The following FN1 variants were observed in gnomAD, a reference collection of about 807,000 sequenced individuals.
FN1 encodes fibronectin 1.
Under a neutral mutation model 297.3 loss-of-function variants are expected in FN1, and 106 were observed. That is an observed-to-expected ratio of 0.36 (90% CI 0.30 to 0.42). FN1 has a LOEUF of 0.42. Ranked by LOEUF, FN1 falls within the 10% of genes least tolerant of loss-of-function variation. The pLI is 1.00. For missense variants in FN1, 2,690 were observed against 3,124.9 expected (o/e 0.86, Z 3.32); for synonymous variants, 1,149 against 1,152.6 (o/e 1.00, Z 0.06).
At position 215,384,953 on chromosome 2, in the gene FN1, C is replaced by T. The variant is rs2058709490; in HGVS notation, c.4636G>A (p.Glu1546Lys). 1 of 1,613,608 alleles carries T rather than the reference C, an allele frequency of 6.2e-7. No individual in the cohort carries two copies. Among genetic ancestry groups the T allele is most frequent in the African/African-American group, 1.3e-5 (1 of 74,884 alleles). Residue 1546 changes from glutamate (E) to lysine (K), a missense_variant, in exon 29 of 46, where the codon GAA (glutamate) becomes AAA (lysine). Glu to Lys is a moderately conservative substitution (Grantham distance 56, BLOSUM62 1). Coordinates refer to ENST00000354785, the MANE Select transcript of FN1 (RefSeq NM_212482.4). ...STVSDVPRDL[E>K]VVAATPTSLL... Reference sequence around the variant, plus strand: ...CTGGTGGGGGTCGCAGCAACAACTTCCAGGTCCCTCGGAACATCAGAAACT... The same window carrying T: ...CTGGTGGGGGTCGCAGCAACAACTTTCAGGTCCCTCGGAACATCAGAAACT...
chr2:215,431,683 TATA>T (rs1264788142), intron 4 of FN1, 147 bp downstream of exon 4: 1 of 830,184 alleles, frequency 1.2e-6, no homozygotes, highest in Non-Finnish European at 2.1e-6. Context: ...CTATGGATTA[TATA>T]ATAATTCATT....
chr2:215,416,316 G>A (rs2063423091), intron 12 of FN1, among the ~76,000 whole-genome samples: 1 of 152,060 alleles, frequency 6.6e-6, no homozygotes, highest in Non-Finnish European at 1.5e-5. Flanking sequence ...AAAATTATGA[G>A]TTTTTCATTT....
intron 32 of FN1, 124 bp from the exon 33 acceptor site, chr2:215,381,204 C>A (rs1232935798): frequency 2.1e-6 from 2 of 937,386 alleles, no homozygotes; most frequent in Admixed American, 3.7e-5. Context: ...AACCCACTAT[C>A]AAAAGGAAAA....
intron 6 of FN1, among the ~76,000 whole-genome samples, chr2:215,426,331 G>C (rs1356070644): frequency 2.0e-5 from 3 of 151,838 alleles, no homozygotes; most frequent in African/African-American, 4.8e-5. Flanking sequence ...TGTATTTTTA[G>C]TAGAGACGGG....
intron 4 of FN1, 121 bp downstream of exon 4, chr2:215,431,709 ATTC>A: frequency 9.8e-7 from 1 of 1,019,520 alleles, no homozygotes; most frequent in Non-Finnish European, 1.6e-6. Context: ...TTCAAACAAA[ATTC>A]CCATTTCTTT....
intron 19 of FN1, among the ~76,000 whole-genome samples, chr2:215,405,366 C>G (rs903474596): frequency 4.2e-4 from 64 of 152,206 alleles, no homozygotes; most frequent in African/African-American, 1.5e-3. Context: ...AGAGCCAGCT[C>G]TATCCCTTCC....
rs1383924390 is a variant in FN1 at position 215,364,889 on chromosome 2, C to T, written c.7241G>A (p.Gly2414Glu). 1 of 1,559,164 alleles carries T rather than the reference C, an allele frequency of 6.4e-7. No individual in the cohort carries two copies. The highest frequency in any genetic ancestry group is 1.2e-5 in the South Asian group (1 of 84,724). ...CACATCCAGTCTTACCCGCTGGCCTCCAAAGCATGTGCAGGAGCAAATGGC... is the reference window on the plus strand; with the variant it reads ...CACATCCAGTCTTACCCGCTGGCCTTCAAAGCATGTGCAGGAGCAAATGGC... ...LGAICSCTCFGGQRGWRCDNC... is the reference protein window; with the variant it reads ...LGAICSCTCFEGQRGWRCDNC... The change falls in exon 44 of 46, where the codon GGA becomes GAA. Residue 2414 changes from glycine to glutamate, a missense_variant. Physicochemically the swap from Gly to Glu is moderately conservative, Grantham distance 98. Around this residue, in one of 3 missense-constraint regions of FN1, gnomAD observed 1,743 missense variants for 1,945.2 expected, o/e 0.90. Transcript: ENST00000354785.
At chr2:215,372,418 G>T in intron 39 of FN1, 43 bp from the exon 40 acceptor site, 1 of 1,400,534 alleles carries the variant, frequency 7.1e-7, no homozygotes, top group Non-Finnish European at 1.0e-6. Context: ...AGCGCATTAA[G>T]CTCCAGGAAG....
At chr2:215,388,137 G>T (rs2059257207) in intron 27 of FN1, 75 bp downstream of exon 27, 3 of 1,036,308 alleles carry the variant, frequency 2.9e-6, no homozygotes, top group Non-Finnish European at 4.6e-6. Flanking sequence ...TGTATTTTTA[G>T]AAGTAGCATT....
intron 23 of FN1, 36 bp downstream of exon 23, chr2:215,397,101 G>A (rs989374876): frequency 2.4e-6 from 3 of 1,255,538 alleles, no homozygotes; most frequent in African/African-American, 2.9e-5. Flanking sequence ...GGGAAGGTAT[G>A]GTGTATACTT....
At chr2:215,422,392 C>A in intron 9 of FN1, 149 bp from the exon 10 acceptor site, 1 of 818,310 alleles carries the variant, frequency 1.2e-6, no homozygotes, top group Non-Finnish European at 2.1e-6. Context: ...TAAGTGCTGT[C>A]AGGTGAAGGG....
intron 20 of FN1, among the ~76,000 whole-genome samples, chr2:215,403,721 G>A (rs7572169): frequency 0.27 from 40,812 of 152,016 alleles, 7,166 homozygotes; most frequent in East Asian, 0.93. Flanking sequence ...GGATAGACAT[G>A]ACCAAAAATT....
chr2:215,391,728 A>T lies in FN1; in HGVS notation c.4156T>A (p.Leu1386Ile). The change falls in exon 26 of 46, where the codon TTA becomes ATA. Residue 1386 changes from leucine to isoleucine, a missense_variant. Leu to Ile is a conservative substitution (Grantham distance 5). This residue lies in a region of FN1 where 1,743 missense variants were observed against 1,945.2 expected (regional missense o/e 0.90). Transcript: ENST00000354785. ...VTWAPPPSID[L>I]TNFLVRYSPV... ...GAGTAACGCACCAGGAAGTTGGTTA[A>T]ATCAATGGATGGGGGTGGAGCCCAG... 6.2e-7 allele frequency: 1 copy of T among 1,614,176 alleles called. No homozygotes were observed. The highest frequency in any genetic ancestry group is 8.5e-7 in the Non-Finnish European group (1 of 1,180,020).
rs1575531991 is a variant in FN1, at chr2:215,397,311, C to G, written c.3518-88G>C. 6 of 932,906 alleles carry G rather than the reference C, an allele frequency of 6.4e-6. No homozygotes were observed. In the East Asian group the frequency reaches 1.4e-4, roughly 22 times the overall value. 57.8% of individuals were successfully genotyped at this position (932,906 alleles called of 1,614,324 possible). ...TCCTCCTTCCCTACCTCCCTCTCTTCCATGCTTCTTCCCTCCCTCCCTCCC... is the reference window on the plus strand; with the variant it reads ...TCCTCCTTCCCTACCTCCCTCTCTTGCATGCTTCTTCCCTCCCTCCCTCCC... On this transcript the variant is annotated intron_variant, in intron 22 of 45. Transcript: ENST00000354785.
In FN1 at chr2:215,384,025, C is replaced by A; in HGVS notation, c.4889G>T (p.Arg1630Leu). The change falls in exon 30 of 46, where the codon CGA becomes CTA. Residue 1630 changes from arginine (R) to leucine (L), a missense_variant. Transcript: ENST00000354785. Reference sequence around the variant, plus strand: ...CCCAGAGTAGAAGTTTGTACCTGTTCGGTAATTAATGGAAATTGGCTTGCT... The same window carrying A: ...CCCAGAGTAGAAGTTTGTACCTGTTAGGTAATTAATGGAAATTGGCTTGCT... Reference protein sequence around the residue: ...ASSKPISINYRTEIDKPSQMQ... With the variant: ...ASSKPISINYLTEIDKPSQMQ... 1 of 1,614,004 alleles carries A rather than the reference C, an allele frequency of 6.2e-7. No homozygotes were observed. The highest frequency in any genetic ancestry group is 8.5e-7 in the Non-Finnish European group (1 of 1,179,936).
At chr2:215,408,040 A>T (rs765421177) in intron 17 of FN1, 68 bp downstream of exon 17, 1 of 1,225,520 alleles carries the variant, frequency 8.2e-7, no homozygotes, top group Non-Finnish European at 1.2e-6. Context: ...CGCAGTCAGA[A>T]TCTGCGCCCT....
chr2:215,392,930 C>T lies in FN1; in HGVS notation c.4069+1G>A. On this transcript the variant is annotated splice_donor_variant, in intron 25 of 45. Coordinates refer to ENST00000354785, the MANE Select transcript of FN1 (RefSeq NM_212482.4). LOFTEE classifies it high-confidence loss of function. ...CAAACGCAGAAGTTTTCAAAATTCA[C>T]CCGTTTGTTGTGTCAGTGTAGTAGG... 2 of 1,612,360 alleles carry T rather than the reference C, an allele frequency of 1.2e-6. No individual in the cohort carries two copies. Among genetic ancestry groups the T allele is most frequent in the South Asian group, 1.1e-5 (1 of 90,996 alleles).
intron 12 of FN1, 85 bp downstream of exon 12, chr2:215,419,157 C>G: frequency 8.3e-7 from 1 of 1,209,128 alleles, no homozygotes; most frequent in Non-Finnish European, 1.2e-6. Context: ...AGACCCCCAA[C>G]TTAGGCATGA....
intron 34 of FN1, 41 bp downstream of exon 34, chr2:215,379,089 G>A (rs186482891): frequency 1.3e-6 from 2 of 1,530,050 alleles, no homozygotes. Flanking sequence ...TGTTAGAGAT[G>A]ATCTCCATCT....
Sources: gnomAD v4.1 joint callset for allele counts (sites outside exome capture counted in the v4.1 genomes callset) on GRCh38, gnomAD v4.1.1 for gene constraint, gnomAD v4.1.1 regional missense constraint, MANE v1.5 for transcripts, NCBI Gene and HGNC (gene_info 2026-07-23, HGNC 2026-07-21) for gene names.